Variants in PLXND1 observed in about 807,000 individuals in gnomAD.
The protein encoded by PLXND1 is plexin D1.
Under a neutral mutation model 197.7 loss-of-function variants are expected in PLXND1, and 54 were observed. The ratio of observed to expected loss-of-function variants is 0.27; its 90% CI spans 0.22 to 0.34. The LOEUF (loss-of-function observed/expected upper bound fraction) is 0.34. Among genes scored for constraint, PLXND1 ranks in the 10% least tolerant of loss-of-function variants. The pLI is 1.00. For missense variants in PLXND1, 2,127 were observed against 2,699.2 expected, an observed-to-expected ratio of 0.79 and a Z score of 4.70; for synonymous variants, 1,180 against 1,161.2, an observed-to-expected ratio of 1.02 and a Z score of -0.33.
intron 24 of PLXND1, 137 bp downstream of exon 24, chr3:129,565,750 C>T: frequency 9.8e-7 from 1 of 1,015,238 alleles, no homozygotes; most frequent in Non-Finnish European, 1.4e-6. Flanking sequence ...GAGCCAAGGT[C>T]TTGGGCATCC....
chr3:129,605,334 T>C lies in PLXND1; in HGVS notation c.1306A>G (p.Ile436Val). Residue 436 changes from isoleucine to valine, a missense_variant, in exon 1 of 36, where the codon ATC (isoleucine) becomes GTC (valine). By Grantham distance (29) the Ile-to-Val change is conservative. This residue lies in a region of PLXND1 where 1,095 missense variants were observed against 1,259.8 expected (regional missense o/e 0.87). Coordinates refer to ENST00000324093, the MANE Select transcript of PLXND1 (RefSeq NM_015103.3). ...TGPACERKLNIQLQPEQLDCG... is the reference protein window; with the variant it reads ...TGPACERKLNVQLQPEQLDCG... The stretch of plus-strand genomic sequence containing the variant: ...CCGCCACCGCCCGGGTGTACCTGGA[T>C]GTTGAGCTTGCGCTCACAGGCCGGT... 1 of 1,429,740 alleles carries C rather than the reference T, an allele frequency of 7.0e-7. No homozygotes were observed. Among genetic ancestry groups the C allele is most frequent in the Non-Finnish European group, 9.1e-7 (1 of 1,095,442 alleles). The allele number at this position is 1,429,740 out of a possible 1,614,324, so 88.6% of individuals were successfully genotyped here.
At chr3:129,563,304 C>G (rs2085090247) in intron 25 of PLXND1, 64 bp from the exon 26 acceptor site, 4 of 1,375,592 alleles carry the variant, frequency 2.9e-6, no homozygotes, top group Non-Finnish European at 3.9e-6. Context: ...TGCTTTGGGC[C>G]AAACACCTTC....
Position 129,555,355 on chromosome 3 carries a change from G to C in PLXND1, c.*957C>G, listed in dbSNP as rs962836355. The C allele has an allele frequency of 5.0e-6, 3 of 601,088 alleles. No homozygotes were observed. In the Admixed American group the frequency reaches 1.0e-4, roughly 21 times the overall value. 37.2% of individuals were successfully genotyped at this position (601,088 alleles called of 1,614,324 possible). Reference sequence around the variant, plus strand: ...CCGCATGGCCCATCGGCCACAGAGGGTCGTTTCTGGCAGGAACGGAGTGGG... The same window carrying C: ...CCGCATGGCCCATCGGCCACAGAGGCTCGTTTCTGGCAGGAACGGAGTGGG... On this transcript the variant is annotated 3_prime_UTR_variant, in exon 36 of 36. Coordinates refer to ENST00000324093, the MANE Select transcript of PLXND1 (RefSeq NM_015103.3).
chr3:129,556,184 G>GC lies in PLXND1; in HGVS notation c.*127dup. On this transcript the variant is annotated 3_prime_UTR_variant, in exon 36 of 36. Coordinates refer to ENST00000324093, the MANE Select transcript of PLXND1 (RefSeq NM_015103.3). ...GTCTCAGAGAGCAGCCCCTCCTCCT[G>GC]CCCCCGCCCCAGCCGTCTCTGCTCA... is the stretch of plus-strand genomic sequence containing the variant. 1.4e-6 allele frequency: 1 copy of GC among 738,982 alleles called. No individual in the cohort carries two copies. The highest frequency in any genetic ancestry group is 1.6e-5 in the South Asian group (1 of 62,668). The allele number at this position is 738,982 out of a possible 1,614,324, so 45.8% of individuals were successfully genotyped here.
At chr3:129,605,229 C>T in intron 1 of PLXND1, 100 bp downstream of exon 1, 1 of 529,478 alleles carries the variant, frequency 1.9e-6, no homozygotes, top group Non-Finnish European at 2.8e-6. Flanking sequence ...GCGCTCCCAC[C>T]TGTGACCCAC....
chr3:129,571,904 GC>G, intron 15 of PLXND1, 60 bp from the exon 16 acceptor site: 1 of 1,503,500 alleles, frequency 6.7e-7, no homozygotes. Flanking sequence ...CACCGCCAAT[GC>G]CCCTGAGACC....
Position 129,575,744 on chromosome 3 carries a change from A to G in PLXND1, c.2436+22T>C, listed in dbSNP as rs753980944. 6 of 1,561,476 alleles carry G rather than the reference A, an allele frequency of 3.8e-6. No homozygotes were observed. In the South Asian group the frequency reaches 6.7e-5, roughly 17 times the overall value. ...CTTAACGCAGGCCCGCCCTCCGCCC[A>G]TGCTGGAGTCACCCCACTCACCACC... On this transcript the variant is annotated intron_variant, in intron 10 of 35. Transcript: ENST00000324093.
At chr3:129,581,317 T>C (rs1053836398) in intron 8 of PLXND1, among the ~76,000 whole-genome samples, 5 of 152,192 alleles carry the variant, frequency 3.3e-5, no homozygotes, top group Non-Finnish European at 2.9e-5. Context: ...TCAGACAGGC[T>C]TCCTCTGTGC....
At chr3:129,601,590 A>G (rs2085709307) in intron 1 of PLXND1, among the ~76,000 whole-genome samples, 1 of 152,220 alleles carries the variant, frequency 6.6e-6, no homozygotes, top group African/African-American at 2.4e-5. Flanking sequence ...CCAGTGACAG[A>G]GAAATCCAGC....
At chr3:129,589,308 C>CCGGGCCA in intron 2 of PLXND1, 43 bp downstream of exon 2, 1 of 628,606 alleles carries the variant, frequency 1.6e-6, no homozygotes, top group Non-Finnish European at 2.9e-6. Context: ...CCCAGGGGAG[C>CCGGGCCA]CTCCCACCCC....
intron 8 of PLXND1, among the ~76,000 whole-genome samples, chr3:129,582,916 G>T (rs1034470050): frequency 1.3e-5 from 2 of 152,230 alleles, no homozygotes; most frequent in Non-Finnish European, 2.9e-5. Flanking sequence ...CCTAGGGACT[G>T]ACATGAGGAC....
rs1400623980 is a variant in PLXND1, at chr3:129,557,059, T to C, written c.5586+24A>G. The C allele has an allele frequency of 6.4e-7, 1 of 1,569,128 alleles. No homozygotes were observed. The highest frequency in any genetic ancestry group is 8.7e-7 in the Non-Finnish European group (1 of 1,148,480). On this transcript the variant is annotated intron_variant, in intron 34 of 35. Transcript: ENST00000324093. The surrounding 1 kb of genome is among the most constrained non-coding windows in gnomAD (Gnocchi z 4.8). ...GATCCCTCAGCTCTTCAGGCCCCCA[T>C]CCCCCGCCGCCGAGCCACCGCACCC... is the stretch of plus-strand genomic sequence containing the variant.
At position 129,574,477 on chromosome 3, in the gene PLXND1, G is replaced by A. The variant is rs2085283505; in HGVS notation, c.2544C>T (p.Asn848=). 2 of 1,612,870 alleles carry A rather than the reference G, an allele frequency of 1.2e-6. No individual in the cohort carries two copies. Among genetic ancestry groups the A allele is most frequent in the Non-Finnish European group, 1.7e-6 (2 of 1,179,766 alleles). The change falls in exon 12 of 36, where the codon AAC becomes AAT. Residue 848 remains asparagine (N), a synonymous_variant. Transcript: ENST00000324093. ...AACAGTCGGGGCTGCCCATGGCACA[G>A]TTATAGACCATGACTGGGGAGACAC... ...SPEPMTVMVY[N]CAMGSPDCSQ... is the part of the protein sequence containing the mutation.
chr3:129,593,638 A>G (rs1174151406), intron 1 of PLXND1, among the ~76,000 whole-genome samples: 1 of 152,232 alleles, frequency 6.6e-6, no homozygotes, highest in Non-Finnish European at 1.5e-5. Context: ...CTAAAGTGTG[A>G]ACGACTGTGG....
chr3:129,588,246 A>T (rs961799397), intron 2 of PLXND1, among the ~76,000 whole-genome samples: 4 of 152,268 alleles, frequency 2.6e-5, no homozygotes, highest in Middle Eastern at 3.4e-3. Context: ...CATCTGTGGC[A>T]TGAGAATCGT....
chr3:129,558,648 G>A lies in PLXND1; in HGVS notation c.5298-73C>T. ...GCAGTCGAGGGACAGTTGTGGAGGA[G>A]AGAGCTGGCTTTGTCCCTCAAGGGC... is the stretch of plus-strand genomic sequence containing the variant. On this transcript the variant is annotated intron_variant, in intron 32 of 35. Coordinates refer to ENST00000324093, the MANE Select transcript of PLXND1 (RefSeq NM_015103.3). This position sits in a 1 kb window ranked among gnomAD's most constrained non-coding sequence, Gnocchi z 4.1. The A allele has an allele frequency of 3.4e-6, 5 of 1,453,826 alleles. No individual in the cohort carries two copies. The highest frequency in any genetic ancestry group is 4.8e-6 in the Non-Finnish European group (5 of 1,050,318). 90.1% of individuals were successfully genotyped at this position (1,453,826 alleles called of 1,614,324 possible). A position where few individuals can be genotyped will look rare whatever the true frequency, so the allele number is the denominator to read the frequency against.
At position 129,605,720 on chromosome 3, in the gene PLXND1, G is replaced by A. The variant is rs867562817; in HGVS notation, c.920C>T (p.Ala307Val). The part of the protein sequence containing the change: ...AYLALNSEAR[A>V]GDKESQARSL... ...CCGCGCCTGGCTCTCCTTGTCGCCC[G>A]CGCGCGCCTCGCTGTTGAGCGCCAG... Residue 307 changes from alanine to valine, a missense_variant, in exon 1 of 36, where the codon GCG becomes GTG. Physicochemically the swap from Ala to Val is moderately conservative, Grantham distance 64. This residue lies in a region of PLXND1 where 1,095 missense variants were observed against 1,259.8 expected (regional missense o/e 0.87). Coordinates refer to ENST00000324093, the MANE Select transcript of PLXND1 (RefSeq NM_015103.3). 6.5e-7 allele frequency: 1 copy of A among 1,541,598 alleles called. No individual in the cohort carries two copies. Among genetic ancestry groups the A allele is most frequent in the Middle Eastern group, 1.7e-4 (1 of 5,934 alleles).
chr3:129,586,554 C>T lies in PLXND1; in HGVS notation c.1620+34G>A, dbSNP rs201094856. On this transcript the variant is annotated intron_variant, in intron 3 of 35. Transcript: ENST00000324093. ...GGCAAGCAAGAGGGCTCGGCTGGTG[C>T]TGGGATGGCGTTGGGCTGGGGCTCT... 1.5e-5 allele frequency: 23 copies of T among 1,557,248 alleles called. No homozygotes were observed. In the Admixed American group the frequency reaches 2.9e-4, roughly 20 times the overall value.
rs2085777358 is a variant in PLXND1 at position 129,605,565 on chromosome 3, C to T, written c.1075G>A (p.Val359Met). Residue 359 changes from valine to methionine, a missense_variant, in exon 1 of 36, where the codon GTG becomes ATG. Val to Met is a conservative substitution (Grantham distance 21). Transcript: ENST00000324093. ...CGCTCCCGGGCTGGGAAGACCGACA[C>T]CAGGCGGCTGTAGAGGTCGCCGCGG... ...AGRGDLYSRLVSVFPARERLF... is the reference protein window; with the variant it reads ...AGRGDLYSRLMSVFPARERLF... 2 of 1,532,674 alleles carry T rather than the reference C, an allele frequency of 1.3e-6. No homozygotes were observed. The highest frequency in any genetic ancestry group is 1.4e-5 in the African/African-American group (1 of 71,382). The allele number at this position is 1,532,674 out of a possible 1,614,324, so 94.9% of individuals were successfully genotyped here. A position where few individuals can be genotyped will look rare whatever the true frequency, so the allele number is the denominator to read the frequency against.
Sources: allele counts gnomAD v4.1 joint callset (sites outside exome capture counted in the v4.1 genomes callset), GRCh38; gene constraint gnomAD v4.1.1; regional missense constraint gnomAD v4.1.1; non-coding constraint Gnocchi (gnomAD v3.1); transcripts MANE v1.5; gene names NCBI Gene and HGNC (gene_info 2026-07-23, HGNC 2026-07-21).